The following NSD3 variants were observed in gnomAD, a reference collection of about 807,000 sequenced individuals.
NSD3 encodes the protein histone-lysine N-methyltransferase NSD3.
NSD3 carries 24 observed loss-of-function variants against 160.8 expected under a neutral mutation model. The observed-to-expected ratio is 0.15, with a 90% CI of 0.11 to 0.21. The LOEUF (loss-of-function observed/expected upper bound fraction) is 0.21, where lower values mean the gene tolerates loss of function less well. Among genes scored for constraint, NSD3 ranks in the 10% least tolerant of loss-of-function variants. The pLI is 1.00. For missense variants in NSD3, 1,157 were observed against 1,735.9 expected, an observed-to-expected ratio of 0.67 and a Z score of 5.93; for synonymous variants, 520 against 600.0, an observed-to-expected ratio of 0.87 and a Z score of 1.95.
chr8:38,322,254 T>C (rs1809808712), intron 7 of NSD3, among the ~76,000 whole-genome samples: 1 of 152,238 alleles, frequency 6.6e-6, no homozygotes, highest in Non-Finnish European at 1.5e-5. Context: ...TGTTTTGTTT[T>C]TGGGAAGGAG....
chr8:38,380,171 T>G (rs1811500197), intron 1 of NSD3, among the ~76,000 whole-genome samples: 1 of 152,128 alleles, frequency 6.6e-6, no homozygotes, highest in Non-Finnish European at 1.5e-5. Flanking sequence ...AGAGAAGAGA[T>G]GGGGAAAAGA....
chr8:38,335,805 T>C (rs938371415), intron 4 of NSD3, among the ~76,000 whole-genome samples: 1 of 152,210 alleles, frequency 6.6e-6, no homozygotes, highest in South Asian at 2.1e-4. Context: ...TGTTTACCTA[T>C]TTAAAATATG....
intron 1 of NSD3, among the ~76,000 whole-genome samples, chr8:38,353,597 C>T (rs1428477973): frequency 6.6e-6 from 1 of 152,080 alleles, no homozygotes; most frequent in Non-Finnish European, 1.5e-5. Flanking sequence ...TTATATTTTC[C>T]CCTTTTCCTG....
chr8:38,352,656 A>C (rs535290877), intron 1 of NSD3, among the ~76,000 whole-genome samples: 52 of 152,054 alleles, frequency 3.4e-4, no homozygotes, highest in African/African-American at 1.3e-3. Context: ...CCCAGGCTGG[A>C]GTGCAGAAAC....
chr8:38,315,406 A>G lies in NSD3; in HGVS notation c.2115+10T>C. ...ATTATTTCAAGCCATAGCACCAGTT[A>G]CCTGCCTACCTGACATACAGTGTCC... is the stretch of plus-strand genomic sequence containing the variant. On this transcript the variant is annotated intron_variant, in intron 11 of 23. Coordinates refer to ENST00000317025, the MANE Select transcript of NSD3 (RefSeq NM_023034.2). 6.4e-7 allele frequency: 1 copy of G among 1,553,676 alleles called. No homozygotes were observed. The highest frequency in any genetic ancestry group is 1.2e-5 in the South Asian group (1 of 81,346).
rs777563652 is a variant in NSD3 at position 38,317,357 on chromosome 8, G to C, written c.1856-1315C>G. On this transcript the variant is annotated intron_variant, in intron 9 of 23. Transcript: ENST00000317025. This position sits in a 1 kb window ranked among gnomAD's most constrained non-coding sequence, Gnocchi z 5.3. ...CCTTCATTGCTGGTGTATGGACCCA[G>C]AACACCATCACAAAATATTTCCTTG... is the stretch of plus-strand genomic sequence containing the variant. 165 of 1,057,232 alleles carry C rather than the reference G, an allele frequency of 1.6e-4. No individual in the cohort carries two copies. Among genetic ancestry groups the C allele is most frequent in the Non-Finnish European group, 1.8e-4 (160 of 874,272 alleles). 65.5% of individuals were successfully genotyped at this position (1,057,232 alleles called of 1,614,324 possible).
At chr8:38,315,587 A>G in intron 10 of NSD3, 43 bp from the exon 11 acceptor site, 1 of 1,605,586 alleles carries the variant, frequency 6.2e-7, no homozygotes. Flanking sequence ...CAAAATGAAA[A>G]TTCCCTCCAA....
intron 1 of NSD3, among the ~76,000 whole-genome samples, chr8:38,381,047 G>C (rs927933597): frequency 6.6e-6 from 1 of 151,992 alleles, no homozygotes; most frequent in African/African-American, 2.4e-5. Flanking sequence ...CTATTCTCTA[G>C]CCTTGAAAGA....
chr8:38,361,090 A>C (rs959174179), intron 1 of NSD3, among the ~76,000 whole-genome samples: 3 of 152,146 alleles, frequency 2.0e-5, no homozygotes, highest in Non-Finnish European at 4.4e-5. Flanking sequence ...CAGCGGCACA[A>C]TCTTGGCTCA....
intron 14 of NSD3, among the ~76,000 whole-genome samples, 185 bp downstream of exon 14, chr8:38,304,402 A>C (rs977095742): frequency 6.6e-6 from 1 of 152,236 alleles, no homozygotes; most frequent in African/African-American, 2.4e-5. Context: ...CACTTTGGAC[A>C]TCTAGCATTA....
chr8:38,327,024 C>T (rs1171331571), intron 6 of NSD3, among the ~76,000 whole-genome samples, 168 bp from the exon 7 acceptor site: 1 of 151,654 alleles, frequency 6.6e-6, no homozygotes, highest in African/African-American at 2.4e-5. Flanking sequence ...ATTAAGTGAT[C>T]AAGATACTTT....
At chr8:38,351,419 C>T (rs946973341) in intron 1 of NSD3, among the ~76,000 whole-genome samples, 5 of 151,374 alleles carry the variant, frequency 3.3e-5, no homozygotes, top group African/African-American at 1.2e-4. Flanking sequence ...AATCCCAGCA[C>T]TTTGGGAGGC....
chr8:38,363,157 T>C (rs1811025456), intron 1 of NSD3, among the ~76,000 whole-genome samples: 1 of 152,248 alleles, frequency 6.6e-6, no homozygotes, highest in Admixed American at 6.5e-5. Flanking sequence ...CTCACTGCTG[T>C]ATCCCCATCC....
chr8:38,331,188 T>C (rs1440440023), intron 5 of NSD3, among the ~76,000 whole-genome samples: 1 of 152,156 alleles, frequency 6.6e-6, no homozygotes, highest in Non-Finnish European at 1.5e-5. Context: ...AAACTCACAA[T>C]AGAATTCAAT....
In NSD3 at chr8:38,316,856, T is replaced by G; in HGVS notation, c.1856-814A>C. 8.5e-6 allele frequency: 9 copies of G among 1,062,614 alleles called. No individual in the cohort carries two copies. Among genetic ancestry groups the G allele is most frequent in the Non-Finnish European group, 1.0e-5 (9 of 877,504 alleles). The allele number at this position is 1,062,614 out of a possible 1,614,324, so 65.8% of individuals were successfully genotyped here. A position where few individuals can be genotyped will look rare whatever the true frequency, so the allele number is the denominator to read the frequency against. On this transcript the variant is annotated intron_variant, in intron 9 of 23. Transcript: ENST00000317025. This position sits in a 1 kb window ranked among gnomAD's most constrained non-coding sequence, Gnocchi z 4.5. ...AATACAAATCCAGCCAAAACAATAG[T>G]GCAAAAAGTTACAAAGCAACAATCT...
chr8:38,275,346 CTTATT>C lies in NSD3; in HGVS notation c.*290_*294del, dbSNP rs1464579902. 1.2e-5 allele frequency: 4 copies of C among 325,394 alleles called. No individual in the cohort carries two copies. Among genetic ancestry groups the C allele is most frequent in the South Asian group, 1.5e-4 (2 of 13,608 alleles). The allele number at this position is 325,394 out of a possible 1,614,324, so 20.2% of individuals were successfully genotyped here. ...AACAAAACTTACTTTTCTCTTTGTTCTTATTTTAACAGCAAAAACATTTCTTTTTC... is the reference window on the plus strand; with the variant it reads ...AACAAAACTTACTTTTCTCTTTGTTCTTAACAGCAAAAACATTTCTTTTTC... On this transcript the variant is annotated 3_prime_UTR_variant, in exon 24 of 24. Transcript: ENST00000317025.
intron 2 of NSD3, among the ~76,000 whole-genome samples, chr8:38,346,348 A>ATATGTATATATGTATATACACATG (rs1810530273): frequency 6.8e-6 from 1 of 147,708 alleles, no homozygotes; most frequent in African/African-American, 2.5e-5. Context: ...TGTATATAGT[A>ATATGTATATATGTATATACACATG]TATATAGTAT....
rs773899477 is a variant in NSD3, at chr8:38,321,493, A to T, written c.1709-321T>A. Among the ~76,000 whole-genome samples the T allele has an allele frequency of 5.7e-4, 87 of 152,356 alleles. No individual in the cohort carries two copies. The highest frequency in any genetic ancestry group is 1.7e-3 in the African/African-American group (70 of 41,588). ...AAGGCACATAAACATCTTTAGGTAA[A>T]TATAATTAGGGAATGAAGGGACTGA... On this transcript the variant is annotated intron_variant, in intron 7 of 23. Coordinates refer to ENST00000317025, the MANE Select transcript of NSD3 (RefSeq NM_023034.2). This position sits in a 1 kb window ranked among gnomAD's most constrained non-coding sequence, Gnocchi z 4.7.
At chr8:38,367,240 C>A (rs1811125648) in intron 1 of NSD3, among the ~76,000 whole-genome samples, 1 of 152,084 alleles carries the variant, frequency 6.6e-6, no homozygotes, top group South Asian at 2.1e-4. Flanking sequence ...ATTCCGAGGA[C>A]AGACAGTATC....
Sources: allele counts gnomAD v4.1 joint callset (sites outside exome capture counted in the v4.1 genomes callset), GRCh38; gene constraint gnomAD v4.1.1; non-coding constraint Gnocchi (gnomAD v3.1); transcripts MANE v1.5; gene names NCBI Gene and HGNC (gene_info 2026-07-23, HGNC 2026-07-21).